MYO7B: variants seen among roughly 807,000 people sequenced by gnomAD.
MYO7B encodes unconventional myosin-VIIb.
A neutral mutation model predicts 259.7 loss-of-function variants in MYO7B; 212 were observed. The observed-to-expected ratio is 0.82, with a 90% CI of 0.73 to 0.91. MYO7B has a LOEUF of 0.91. Among genes scored for constraint, MYO7B ranks in the 40% least tolerant of loss-of-function variants. The probability of loss-of-function intolerance (pLI) is 0.00; values close to 1 mark genes in which losing one functional copy is unlikely to be tolerated. For missense variants in MYO7B, 2,732 were observed against 2,813.5 expected (o/e 0.97, Z 0.66); for synonymous variants, 1,197 against 1,166.4 (o/e 1.03, Z -0.54).
Position 127,618,378 on chromosome 2 carries a change from A to G in MYO7B, c.3399-1962A>G, listed in dbSNP as rs112076381. Among the ~76,000 whole-genome samples, 1,288 of 152,284 alleles carry G rather than the reference A, an allele frequency of 8.5e-3. 20 individuals are homozygous for G. Among genetic ancestry groups the G allele is most frequent in the African/African-American group, 0.029 (1,211 of 41,556 alleles). On this transcript the variant is annotated intron_variant, in intron 26 of 47. Transcript: ENST00000409816. ...GACAGCCCCCACCCCAAGCTTCTTC[A>G]GCCCTTAGTATTTATTGGGTAGAAT...
chr2:127,635,972 C>G (rs987881086), intron 44 of MYO7B, 65 bp downstream of exon 44: 1 of 1,496,472 alleles, frequency 6.7e-7, no homozygotes, highest in South Asian at 1.3e-5. Flanking sequence ...TGCACCAGTG[C>G]CATGCCCTGC....
intron 39 of MYO7B, 38 bp from the exon 40 acceptor site, chr2:127,633,220 G>A: frequency 6.6e-7 from 1 of 1,510,280 alleles, no homozygotes; most frequent in Non-Finnish European, 9.1e-7. Flanking sequence ...GAGGATGAGG[G>A]TGGGGGTGGC....
chr2:127,630,986 A>G, intron 36 of MYO7B, 78 bp downstream of exon 36: 1 of 1,409,734 alleles, frequency 7.1e-7, no homozygotes, highest in Non-Finnish European at 9.5e-7. Flanking sequence ...CCCTGCTCCC[A>G]GCCCCGCTCC....
At chr2:127,582,170 C>T in intron 11 of MYO7B, 134 bp from the exon 12 acceptor site, 1 of 1,463,000 alleles carries the variant, frequency 6.8e-7, no homozygotes, top group Non-Finnish European at 9.2e-7. Context: ...CCTCTTGGGC[C>T]CTGGTTTCTT....
Position 127,634,603 on chromosome 2 carries a change from G to A in MYO7B, c.5633G>A (p.Ser1878Asn). 1 of 1,611,734 alleles carries A rather than the reference G, an allele frequency of 6.2e-7. No homozygotes were observed. The highest frequency in any genetic ancestry group is 8.5e-7 in the Non-Finnish European group (1 of 1,178,888). Residue 1878 changes from serine to asparagine, a missense_variant, in exon 42 of 48, where the codon AGC becomes AAC. Physicochemically the swap from Ser to Asn is conservative, Grantham distance 46 (BLOSUM62 1). Around this residue, in one of 3 missense-constraint regions of MYO7B, gnomAD observed 821 missense variants for 769.3 expected, o/e 1.07. Coordinates refer to ENST00000409816, the MANE Select transcript of MYO7B (RefSeq NM_001393586.1). ...TACCTTCCCCTTCCCCAGGTCATCA[G>A]CCAGAAGGAGGGAGACTTCTTCTTT... The part of the protein sequence containing the change: ...LFIKISDKVI[S>N]QKEGDFFFDS...
chr2:127,538,171 C>A (rs1192685420), intron 1 of MYO7B, among the ~76,000 whole-genome samples: 1 of 151,878 alleles, frequency 6.6e-6, no homozygotes, highest in African/African-American at 2.4e-5. Context: ...GGGGGATGTT[C>A]CAGGTGGAGG....
chr2:127,569,891 A>G lies in MYO7B; in HGVS notation c.573A>G (p.Glu191=). 6.2e-7 allele frequency: 1 copy of G among 1,612,918 alleles called. No homozygotes were observed. The highest frequency in any genetic ancestry group is 8.5e-7 in the Non-Finnish European group (1 of 1,179,364). The change falls in exon 6 of 48, where the codon GAA becomes GAG. Residue 191 remains glutamate (E), a synonymous_variant. Transcript: ENST00000409816. ...QHSWIEQQVL[E]ANPILEAFGN... ...CGTGGATTGAGCAGCAGGTCCTGGA[A>G]GCCAACCCCATCCTGGAGGGTAAGC...
In MYO7B at chr2:127,631,696, C is replaced by T. The variant is rs1245879031; in HGVS notation, c.5192C>T (p.Ala1731Val). Residue 1731 changes from alanine (A) to valine (V), a missense_variant, in exon 38 of 48, where the codon GCC becomes GTC. Coordinates refer to ENST00000409816, the MANE Select transcript of MYO7B (RefSeq NM_001393586.1). ...QIFTLALQHP[A>V]LQDEVYCQIL... The stretch of plus-strand genomic sequence containing the variant: ...TTCACACTGGCCCTGCAGCACCCGG[C>T]CCTCCAGGACGAGGTCTACTGCCAG... 2.5e-6 allele frequency: 4 copies of T among 1,612,922 alleles called. No individual in the cohort carries two copies.
chr2:127,593,770 G>A, intron 18 of MYO7B, 126 bp downstream of exon 18: 2 of 850,462 alleles, frequency 2.4e-6, no homozygotes, highest in Non-Finnish European at 3.8e-6. Flanking sequence ...GCAGCTCAAA[G>A]TGTGGTCCCC....
At position 127,573,944 on chromosome 2, in the gene MYO7B, G is replaced by T. The variant is rs778889560; in HGVS notation, c.617G>T (p.Arg206Leu). Residue 206 changes from arginine to leucine, a missense_variant, in exon 7 of 48, where the codon CGC (arginine) becomes CTC (leucine). Arg to Leu is a moderately radical substitution (Grantham distance 102). Coordinates refer to ENST00000409816, the MANE Select transcript of MYO7B (RefSeq NM_001393586.1). ...LEAFGNAKTI[R>L]NDNSSRFGKY... ...GCCTTTGGAAATGCCAAGACAATCC[G>T]CAACGACAACTCAAGCCGCTTTGGG... 12 of 1,614,042 alleles carry T rather than the reference G, an allele frequency of 7.4e-6. No individual in the cohort carries two copies. Among genetic ancestry groups the T allele is most frequent in the Non-Finnish European group, 9.3e-6 (11 of 1,179,900 alleles).
In MYO7B at chr2:127,576,805, C is replaced by T. The variant is rs965221255; in HGVS notation, c.849+97C>T. On this transcript the variant is annotated intron_variant, in intron 8 of 47. Coordinates refer to ENST00000409816, the MANE Select transcript of MYO7B (RefSeq NM_001393586.1). The surrounding 1 kb of genome is among the most constrained non-coding windows in gnomAD (Gnocchi z 4.9). ...CCGCGACAGCTGCAGAGAAGCCCAACGCTGGCCGGGCCCCTGAGGCGGGGC... is the reference window on the plus strand; with the variant it reads ...CCGCGACAGCTGCAGAGAAGCCCAATGCTGGCCGGGCCCCTGAGGCGGGGC... The T allele has an allele frequency of 4.1e-5, 35 of 848,200 alleles. No individual in the cohort carries two copies. Among genetic ancestry groups the T allele is most frequent in the Non-Finnish European group, 5.4e-5 (30 of 555,200 alleles). 52.5% of individuals were successfully genotyped at this position (848,200 alleles called of 1,614,324 possible).
At chr2:127,564,897 C>G (rs1461214813) in intron 3 of MYO7B, among the ~76,000 whole-genome samples, 1 of 152,256 alleles carries the variant, frequency 6.6e-6, no homozygotes, top group Admixed American at 6.5e-5. Context: ...ATTCCAACAA[C>G]CTGCAAGGCT....
At position 127,584,122 on chromosome 2, in the gene MYO7B, C is replaced by T. The variant is rs563440617; in HGVS notation, c.1344C>T (p.Ser448=). ...IFGFENFENN[S]FEQLCINFAN... ...CTGGGCAGTGACCTTGCCTCCACAG[C>T]TTCGAGCAGCTCTGCATCAACTTCG... Residue 448 remains serine (S), a splice_region_variant and synonymous_variant, in exon 13 of 48, where the codon AGC becomes AGT. Coordinates refer to ENST00000409816, the MANE Select transcript of MYO7B (RefSeq NM_001393586.1). This position sits in a 1 kb window ranked among gnomAD's most constrained non-coding sequence, Gnocchi z 5.8. 1.1e-5 allele frequency: 17 copies of T among 1,611,592 alleles called. No individual in the cohort carries two copies. The East Asian group carries it at 3.6e-4, about 34-fold the overall frequency.
intron 12 of MYO7B, among the ~76,000 whole-genome samples, chr2:127,582,714 G>C (rs1679153623): frequency 6.8e-6 from 1 of 148,102 alleles, no homozygotes; most frequent in Non-Finnish European, 1.5e-5. Flanking sequence ...AGCCAGAGTG[G>C]ATTATCACAC....
intron 25 of MYO7B, 71 bp downstream of exon 25, chr2:127,612,398 C>T (rs1680420104): frequency 3.9e-6 from 6 of 1,539,840 alleles, no homozygotes; most frequent in Non-Finnish European, 5.3e-6. Flanking sequence ...TCTATTGCTT[C>T]CCTCCCTGTG....
chr2:127,580,929 C>A (rs530848054), intron 10 of MYO7B, 107 bp downstream of exon 10: 180 of 1,141,662 alleles, frequency 1.6e-4, no homozygotes, highest in Admixed American at 1.2e-3. Flanking sequence ...GCCCCCACCC[C>A]TTTCCCAGGG....
At chr2:127,558,822 A>G (rs1358524427) in intron 1 of MYO7B, among the ~76,000 whole-genome samples, 2 of 152,194 alleles carry the variant, frequency 1.3e-5, no homozygotes, top group Non-Finnish European at 2.9e-5. Context: ...GTTCTCACTC[A>G]TAAGTGGGAG....
chr2:127,580,698 A>G (rs780594463), intron 9 of MYO7B, 48 bp from the exon 10 acceptor site: 143 of 1,561,848 alleles, frequency 9.2e-5, no homozygotes, highest in Admixed American at 8.5e-4. Flanking sequence ...CCTTGCTCCC[A>G]TCGCTCCAGG....
chr2:127,551,662 C>T lies in MYO7B; in HGVS notation c.-23-8038C>T, dbSNP rs75752718. Reference sequence around the variant, plus strand: ...ATAAAGCAAGGCCCTAAAGCAGAGGCGGGAGAAGGCAGGGCTGGAAGGATT... The same window carrying T: ...ATAAAGCAAGGCCCTAAAGCAGAGGTGGGAGAAGGCAGGGCTGGAAGGATT... On this transcript the variant is annotated intron_variant, in intron 1 of 47. Transcript: ENST00000409816. 5.9e-5 allele frequency among the ~76,000 whole-genome samples: 9 copies of T among 152,274 alleles called. No homozygotes were observed. The East Asian group carries it at 1.3e-3, about 23-fold the overall frequency.
Sources: allele counts gnomAD v4.1 joint callset (sites outside exome capture counted in the v4.1 genomes callset), GRCh38; gene constraint gnomAD v4.1.1; regional missense constraint gnomAD v4.1.1; non-coding constraint Gnocchi (gnomAD v3.1); transcripts MANE v1.5; gene names NCBI Gene and HGNC (gene_info 2026-07-23, HGNC 2026-07-21).